The following SLC16A2 variants were observed in gnomAD, a reference collection of about 807,000 sequenced individuals.
SLC16A2 encodes the protein monocarboxylate transporter 8.
A neutral mutation model predicts 27.2 loss-of-function variants in SLC16A2; 3 were observed. That is an observed-to-expected ratio of 0.11 (90% CI 0.05 to 0.28). The LOEUF is 0.28. SLC16A2 is among the 10% of genes least tolerant of loss of function. SLC16A2 has a pLI of 1.00. For synonymous variants in SLC16A2, 202 were observed against 187.8 expected (o/e 1.08, Z -0.62); for missense variants, 295 against 458.5 (o/e 0.64, Z 3.26).
At chrX:74,524,920 CTT>C in intron 3 of SLC16A2, 111 bp downstream of exon 3, 1 of 695,450 alleles carries the variant, frequency 1.4e-6, no homozygotes, top group Non-Finnish European at 2.2e-6. Context: ...GAGCTGGGAC[CTT>C]TGGGAAAAGA....
chrX:74,476,872 T>C lies in SLC16A2; in HGVS notation c.431-44118T>C, dbSNP rs368011978. On this transcript the variant is annotated intron_variant, in intron 1 of 5. Transcript: ENST00000587091. ...AAGCTTTTTGATGTGCTGCTGGATT[T>C]GGTTTGCCAGTATTTTATTGAGGAT... 2.8e-4 allele frequency: 31 copies of C among 111,814 alleles called. 1 individual carries two copies. The East Asian group carries it at 3.4e-3, about 12-fold the overall frequency. The allele number at this position is 111,814 out of a possible 1,213,427, so 9.2% of individuals were successfully genotyped here. A position where few individuals can be genotyped will look rare whatever the true frequency, so the allele number is the denominator to read the frequency against.
chrX:74,465,401 G>A, intron 1 of SLC16A2, among the ~76,000 whole-genome samples: 1 of 110,632 alleles, frequency 9.0e-6, no homozygotes, highest in East Asian at 2.9e-4. Context: ...AGAAAGGCAG[G>A]GGCAGAACCC....
intron 1 of SLC16A2, among the ~76,000 whole-genome samples, chrX:74,482,117 A>T (rs990032642): frequency 1.3e-4 from 14 of 111,182 alleles, no homozygotes; most frequent in Admixed American, 6.7e-4. Context: ...TGAATATGTC[A>T]TTCCTCTATG....
intron 1 of SLC16A2, among the ~76,000 whole-genome samples, chrX:74,486,619 AC>A: frequency 8.9e-6 from 1 of 112,136 alleles, no homozygotes; most frequent in Middle Eastern, 4.6e-3. Flanking sequence ...AAATAGGAAC[AC>A]TTTTACACTG....
Position 74,531,655 on chromosome X carries a change from C to A in SLC16A2, c.*102C>A. On this transcript the variant is annotated 3_prime_UTR_variant, in exon 6 of 6. Transcript: ENST00000587091. ...ACCAGCACACTTGTTCCCAGACCTG[C>A]GCACACAGCATTTCAGCCACCTGAC... 3.2e-6 allele frequency: 2 copies of A among 621,124 alleles called. No individual in the cohort carries two copies. The highest frequency in any genetic ancestry group is 2.7e-6 in the Non-Finnish European group (1 of 367,319). The allele number at this position is 621,124 out of a possible 1,213,427, so 51.2% of individuals were successfully genotyped here. A position where few individuals can be genotyped will look rare whatever the true frequency, so the allele number is the denominator to read the frequency against.
At chrX:74,479,471 T>A (rs1311185042) in intron 1 of SLC16A2, among the ~76,000 whole-genome samples, 1 of 112,367 alleles carries the variant, frequency 8.9e-6, no homozygotes, top group Non-Finnish European at 1.9e-5. Flanking sequence ...TCTGAAGGCT[T>A]CTTCTCTCAA....
At chrX:74,515,696 C>T (rs889322415) in intron 1 of SLC16A2, among the ~76,000 whole-genome samples, 2 of 111,743 alleles carry the variant, frequency 1.8e-5, no homozygotes, top group East Asian at 5.6e-4. Flanking sequence ...AGAGAAATGA[C>T]ACGTTAACTC....
chrX:74,440,522 C>CT (rs34468845), intron 1 of SLC16A2, among the ~76,000 whole-genome samples: 909 of 69,907 alleles, frequency 0.013, 9 homozygotes, highest in Non-Finnish European at 0.018. Context: ...ATATAAATTC[C>CT]TTTTTTTTTT....
chrX:74,454,054 A>T (rs1332302661), intron 1 of SLC16A2, among the ~76,000 whole-genome samples: 1 of 111,089 alleles, frequency 9.0e-6, no homozygotes, highest in African/African-American at 3.3e-5. Context: ...GACTACCATG[A>T]TGCCCCTATT....
At chrX:74,433,846 C>T (rs1175824342) in intron 1 of SLC16A2, among the ~76,000 whole-genome samples, 1 of 112,281 alleles carries the variant, frequency 8.9e-6, no homozygotes, top group Non-Finnish European at 1.9e-5. Context: ...ATTCAGATTA[C>T]TTTCCACATG....
At chrX:74,458,253 T>C (rs891191262) in intron 1 of SLC16A2, among the ~76,000 whole-genome samples, 5 of 112,498 alleles carry the variant, frequency 4.4e-5, no homozygotes, top group African/African-American at 6.4e-5. Flanking sequence ...TGATTTTATA[T>C]ACATATACAG....
chrX:74,515,233 G>A (rs995250526), intron 1 of SLC16A2, among the ~76,000 whole-genome samples: 2 of 111,170 alleles, frequency 1.8e-5, no homozygotes, highest in African/African-American at 6.5e-5. Context: ...AAATTTTGGA[G>A]CTGAAAAATA....
chrX:74,434,884 C>T (rs1288087686), intron 1 of SLC16A2, among the ~76,000 whole-genome samples: 2 of 103,400 alleles, frequency 1.9e-5, no homozygotes, highest in East Asian at 3.1e-4. Flanking sequence ...GGCGCGATCT[C>T]GGCTTCTCGG....
chrX:74,422,727 C>T (rs957129942), intron 1 of SLC16A2, among the ~76,000 whole-genome samples: 13 of 112,146 alleles, frequency 1.2e-4, no homozygotes, highest in African/African-American at 3.9e-4. Context: ...CAGTCCTCTG[C>T]CGCCCCGCGG....
chrX:74,472,990 G>A (rs1255925937), intron 1 of SLC16A2: 24 of 463,511 alleles, frequency 5.2e-5, no homozygotes, highest in Admixed American at 4.1e-4. Context: ...CTGGCTCTCC[G>A]CTCCTGCTAA....
chrX:74,506,419 G>A (rs1357813995), intron 1 of SLC16A2, among the ~76,000 whole-genome samples: 1 of 111,569 alleles, frequency 9.0e-6, no homozygotes, highest in Admixed American at 9.5e-5. Flanking sequence ...GGGGCAGGGA[G>A]CCTGGGAAGG....
Position 74,533,260 on chromosome X carries a change from A to T in SLC16A2, c.*1707A>T, listed in dbSNP as rs1327372515. 8.9e-6 allele frequency: 1 copy of T among 111,989 alleles called. No individual in the cohort carries two copies. Among genetic ancestry groups the T allele is most frequent in the Admixed American group, 9.5e-5 (1 of 10,575 alleles). 9.2% of individuals were successfully genotyped at this position (111,989 alleles called of 1,213,427 possible). A position where few individuals can be genotyped will look rare whatever the true frequency, so the allele number is the denominator to read the frequency against. On this transcript the variant is annotated 3_prime_UTR_variant, in exon 6 of 6. Coordinates refer to ENST00000587091, the MANE Select transcript of SLC16A2 (RefSeq NM_006517.5). The stretch of plus-strand genomic sequence containing the variant: ...TCCGTTACAAACAGGCAGCTGGGGC[A>T]TGGTTGGCCTCCAATGATTTCATTC...
intron 4 of SLC16A2, among the ~76,000 whole-genome samples, chrX:74,527,690 G>A (rs937971459): frequency 5.3e-5 from 6 of 112,407 alleles, no homozygotes; most frequent in African/African-American, 9.7e-5. Flanking sequence ...TGTTTCTCAC[G>A]TCCAAGAGAG....
intron 1 of SLC16A2, among the ~76,000 whole-genome samples, chrX:74,436,700 A>G (rs932833624): frequency 9.0e-6 from 1 of 111,629 alleles, no homozygotes; most frequent in Non-Finnish European, 1.9e-5. Context: ...TCATGCATCT[A>G]TACAGCTGGG....
Sources: allele counts gnomAD v4.1 joint callset (sites outside exome capture counted in the v4.1 genomes callset), GRCh38; gene constraint gnomAD v4.1.1; transcripts MANE v1.5; gene names NCBI Gene and HGNC (gene_info 2026-07-23, HGNC 2026-07-21).